Variants in XIRP2 observed in about 807,000 individuals in gnomAD.
The protein encoded by XIRP2 is xin actin-binding repeat-containing protein 2.
Under a neutral mutation model 277.0 loss-of-function variants are expected in XIRP2, and 236 were observed. The observed-to-expected ratio is 0.85, with a 90% CI of 0.77 to 0.95. The LOEUF (loss-of-function observed/expected upper bound fraction) is 0.95, where lower values mean the gene tolerates loss of function less well. Among genes scored for constraint, XIRP2 ranks in the 40% least tolerant of loss-of-function variants. XIRP2 has a pLI of 0.00. For missense variants in XIRP2, 4,640 were observed against 4,157.5 expected (o/e 1.12, Z -3.19); for synonymous variants, 1,490 against 1,416.5 (o/e 1.05, Z -1.17).
chr2:167,246,541 A>G lies in XIRP2; in HGVS notation c.5149A>G (p.Ile1717Val). 1 of 1,613,770 alleles carries G rather than the reference A, an allele frequency of 6.2e-7. No homozygotes were observed. The highest frequency in any genetic ancestry group is 8.5e-7 in the Non-Finnish European group (1 of 1,179,818). ...EVIGGDVKRT[I>V]HNLLSSTSNN... The stretch of plus-strand genomic sequence containing the variant: ...AATAGGTGGTGATGTCAAACGTACC[A>G]TTCATAATTTATTGTCTTCCACATC... Residue 1717 changes from isoleucine (I) to valine (V), a missense_variant, in exon 9 of 11, where the codon ATT (isoleucine) becomes GTT (valine). By Grantham distance (29) the Ile-to-Val change is conservative. Transcript: ENST00000409195.
Position 167,259,200 on chromosome 2 carries a change from T to G in XIRP2, c.*1383T>G, listed in dbSNP as rs3749006. On this transcript the variant is annotated 3_prime_UTR_variant, in exon 11 of 11. Transcript: ENST00000409195. ...GGAAAGGATGTTAAACCTTGGCATG[T>G]TGAAACAACAGAAGCTGCCCGCAAT... 186,044 of 1,613,294 alleles carry G rather than the reference T, an allele frequency of 0.12. 12,848 individuals are homozygous for G. The highest frequency in any genetic ancestry group is 0.3 in the African/African-American group (22,447 of 74,860).
At position 166,903,451 on chromosome 2, in the gene XIRP2, T is replaced by C; in HGVS notation, c.-18-14T>C. The C allele has an allele frequency of 3.8e-6, 6 of 1,583,042 alleles. No individual in the cohort carries two copies. Among genetic ancestry groups the C allele is most frequent in the South Asian group, 1.2e-5 (1 of 86,556 alleles). On this transcript the variant is annotated splice_polypyrimidine_tract_variant and intron_variant, in intron 1 of 10. Transcript: ENST00000409195. Reference sequence around the variant, plus strand: ...CTGAGTGTATCACTGATAAAAGGATTCTTGATATTGCAGGACAACCTGGAC... The same window carrying C: ...CTGAGTGTATCACTGATAAAAGGATCCTTGATATTGCAGGACAACCTGGAC...
Position 167,245,316 on chromosome 2 carries a change from T to G in XIRP2, c.3924T>G (p.Asp1308Glu). Residue 1308 changes from aspartate (D) to glutamate (E), a missense_variant, in exon 9 of 11, where the codon GAT becomes GAG. Asp to Glu is a conservative substitution (Grantham distance 45). Transcript: ENST00000409195. ...KTITEEVIQG[D>E]VKSYRMLFET... ...TTACTGAAGAAGTAATACAGGGTGA[T>G]GTAAAAAGCTACAGAATGCTCTTTG... is the stretch of plus-strand genomic sequence containing the variant. 8 of 1,613,578 alleles carry G rather than the reference T, an allele frequency of 5.0e-6. No individual in the cohort carries two copies. Among genetic ancestry groups the G allele is most frequent in the Non-Finnish European group, 6.8e-6 (8 of 1,179,708 alleles).
chr2:167,156,032 A>G (rs527447653), intron 3 of XIRP2, among the ~76,000 whole-genome samples: 6 of 150,820 alleles, frequency 4.0e-5, no homozygotes, highest in Admixed American at 4.0e-4. Flanking sequence ...TAGGAATCCA[A>G]CTTACAAGGG....
chr2:166,960,963 A>T (rs1686282906), intron 2 of XIRP2, among the ~76,000 whole-genome samples: 3 of 151,726 alleles, frequency 2.0e-5, no homozygotes, highest in African/African-American at 7.3e-5. Context: ...TAGAGAGCTC[A>T]GTTTAAGTAT....
intron 2 of XIRP2, among the ~76,000 whole-genome samples, chr2:167,065,863 G>A (rs1249846425): frequency 6.6e-6 from 1 of 151,792 alleles, no homozygotes; most frequent in African/African-American, 2.4e-5. Flanking sequence ...AGGTTTGATT[G>A]TTTTCTTTCA....
intron 2 of XIRP2, among the ~76,000 whole-genome samples, chr2:167,009,017 G>T (rs2105466596): frequency 6.7e-6 from 1 of 150,058 alleles, no homozygotes; most frequent in East Asian, 2.0e-4. Flanking sequence ...TTTTATATTA[G>T]CCACTGCTGC....
chr2:167,015,316 G>T (rs369665398), intron 2 of XIRP2, among the ~76,000 whole-genome samples: 20 of 151,704 alleles, frequency 1.3e-4, no homozygotes, highest in Non-Finnish European at 2.8e-4. Context: ...CTACTTTGAG[G>T]TGTCTTCAAT....
At chr2:167,186,895 A>G (rs922349809) in intron 3 of XIRP2, among the ~76,000 whole-genome samples, 5 of 152,002 alleles carry the variant, frequency 3.3e-5, no homozygotes, top group African/African-American at 1.2e-4. Flanking sequence ...GCCTTAAAAA[A>G]CAAACTAATG....
chr2:167,101,028 TA>T (rs891997900), intron 2 of XIRP2, among the ~76,000 whole-genome samples: 49 of 152,100 alleles, frequency 3.2e-4, no homozygotes, highest in African/African-American at 1.1e-3. Context: ...AAAACAACAA[TA>T]AAAAAAATCT....
At chr2:167,001,973 A>T (rs2105456732) in intron 2 of XIRP2, among the ~76,000 whole-genome samples, 1 of 152,244 alleles carries the variant, frequency 6.6e-6, no homozygotes, top group South Asian at 2.1e-4. Flanking sequence ...AAACTTATTT[A>T]AAATATTTCA....
intron 2 of XIRP2, among the ~76,000 whole-genome samples, chr2:166,927,974 A>G (rs571991937): frequency 2.1e-4 from 32 of 152,292 alleles, no homozygotes; most frequent in African/African-American, 7.7e-4. Context: ...AAGGCTAAAC[A>G]ATATCCAGCT....
intron 3 of XIRP2, among the ~76,000 whole-genome samples, chr2:167,170,961 C>G (rs1050575329): frequency 3.4e-5 from 5 of 146,488 alleles, no homozygotes; most frequent in Admixed American, 1.4e-4. Context: ...GTGCAGTGGC[C>G]CAATCTCAGC....
rs758259166 is a variant in XIRP2 at position 167,254,152 on chromosome 2, A to G, written c.*26A>G. On this transcript the variant is annotated 3_prime_UTR_variant, in exon 10 of 11. Transcript: ENST00000409195. ...GTCCTGCTTCCGATGCCACCATTGC[A>G]ACAGTAAACTAAGGTAAAATGTTTA... is the stretch of plus-strand genomic sequence containing the variant. 6.2e-7 allele frequency: 1 copy of G among 1,609,338 alleles called. No individual in the cohort carries two copies. Among genetic ancestry groups the G allele is most frequent in the South Asian group, 1.1e-5 (1 of 90,404 alleles).
intron 5 of XIRP2, among the ~76,000 whole-genome samples, chr2:167,219,372 T>C (rs1298296216): frequency 1.3e-5 from 2 of 151,978 alleles, no homozygotes; most frequent in African/African-American, 4.8e-5. Context: ...TGTAGATGTG[T>C]GTGTTTAAAC....
intron 3 of XIRP2, among the ~76,000 whole-genome samples, chr2:167,209,407 C>T (rs771284430): frequency 6.6e-5 from 10 of 151,966 alleles, no homozygotes; most frequent in Admixed American, 3.3e-4. Context: ...AACATGGGGA[C>T]TCAGAGTTGA....
At chr2:167,214,589 C>T (rs118103518) in intron 4 of XIRP2, among the ~76,000 whole-genome samples, 1,878 of 151,554 alleles carry the variant, frequency 0.012, 44 homozygotes, top group East Asian at 0.097. Flanking sequence ...TCTTTTGAGA[C>T]GGAGTCTTGC....
Position 167,218,300 on chromosome 2 carries a change from G to C in XIRP2, c.858G>C (p.Gln286His). ...ATCAACATCAGAACAGATCTGAGCAGGTAATACTACTACAGGTGATGGGTA... is the reference window on the plus strand; with the variant it reads ...ATCAACATCAGAACAGATCTGAGCACGTAATACTACTACAGGTGATGGGTA... ...YQYQHQNRSE[Q>H]EAIHSSQVGT... is the part of the protein sequence containing the mutation. The change falls in exon 5 of 11, where the codon CAG becomes CAC. Residue 286 changes from glutamine to histidine, a missense_variant and splice_region_variant. Transcript: ENST00000409195. 1 of 1,507,804 alleles carries C rather than the reference G, an allele frequency of 6.6e-7. No homozygotes were observed. The highest frequency in any genetic ancestry group is 8.9e-7 in the Non-Finnish European group (1 of 1,123,530). The allele number at this position is 1,507,804 out of a possible 1,614,324, so 93.4% of individuals were successfully genotyped here. A position where few individuals can be genotyped will look rare whatever the true frequency, so the allele number is the denominator to read the frequency against.
At chr2:167,226,620 C>A (rs1694610182) in intron 5 of XIRP2, among the ~76,000 whole-genome samples, 1 of 152,102 alleles carries the variant, frequency 6.6e-6, no homozygotes, top group African/African-American at 2.4e-5. Context: ...ATTCATTTTT[C>A]CCTTGCCCTC....
Sources: gnomAD v4.1 joint callset for allele counts (sites outside exome capture counted in the v4.1 genomes callset) on GRCh38, gnomAD v4.1.1 for gene constraint, MANE v1.5 for transcripts, NCBI Gene and HGNC (gene_info 2026-07-23, HGNC 2026-07-21) for gene names.